The following IHO1 variants were observed in gnomAD, a reference collection of about 807,000 sequenced individuals.
IHO1 encodes the protein interactor of HORMAD1 protein 1.
IHO1 carries 13 observed loss-of-function variants against 31.0 expected under a neutral mutation model. That is an observed-to-expected ratio of 0.42 (90% CI 0.27 to 0.67). The LOEUF (loss-of-function observed/expected upper bound fraction) is 0.67, where lower values mean the gene tolerates loss of function less well. Among genes scored for constraint, IHO1 ranks in the 30% least tolerant of loss-of-function variants. The probability of loss-of-function intolerance (pLI) is 0.24; values close to 1 mark genes in which losing one functional copy is unlikely to be tolerated. For missense variants in IHO1, 599 were observed against 687.5 expected (o/e 0.87, Z 1.44); for synonymous variants, 221 against 248.4 (o/e 0.89, Z 1.04).
chr3:49,229,862 A>G (rs1254283030), intron 2 of IHO1, among the ~76,000 whole-genome samples: 16 of 152,262 alleles, frequency 1.1e-4, no homozygotes, highest in Non-Finnish European at 8.8e-5. Flanking sequence ...ATTTATGGGG[A>G]AGAGATTTAT....
chr3:49,235,107 G>A (rs1176940013), intron 2 of IHO1, among the ~76,000 whole-genome samples: 1 of 152,024 alleles, frequency 6.6e-6, no homozygotes, highest in Non-Finnish European at 1.5e-5. Flanking sequence ...GCCTCCCAAA[G>A]TGCTAGCTAG....
chr3:49,237,786 G>A (rs1480103590), intron 3 of IHO1, among the ~76,000 whole-genome samples: 1 of 149,228 alleles, frequency 6.7e-6, no homozygotes, highest in Non-Finnish European at 1.5e-5. Flanking sequence ...CCTTGAAGAA[G>A]AAGGAGATGA....
chr3:49,220,890 G>A (rs558753767), intron 2 of IHO1, among the ~76,000 whole-genome samples: 19 of 152,194 alleles, frequency 1.2e-4, no homozygotes, highest in African/African-American at 4.1e-4. Context: ...AAAAGGTGGC[G>A]TGGACCCAAA....
In IHO1 at chr3:49,257,202, G is replaced by A; in HGVS notation, c.1705G>A (p.Glu569Lys). 1.2e-6 allele frequency: 2 copies of A among 1,614,230 alleles called. No homozygotes were observed. The highest frequency in any genetic ancestry group is 1.1e-5 in the South Asian group (1 of 91,090). ...CAGTGACCTCAATCTCGGATGTTCA[G>A]AGACCCCTCTATGCAAGGAGGCAGG... is the stretch of plus-strand genomic sequence containing the variant. ...WFSDLNLGCSETPLCKEAGKN... is the reference protein window; with the variant it reads ...WFSDLNLGCSKTPLCKEAGKN... Residue 569 changes from glutamate (E) to lysine (K), a missense_variant, in exon 8 of 8, where the codon GAG becomes AAG. Glu to Lys is a moderately conservative substitution (Grantham distance 56, BLOSUM62 1). Coordinates refer to ENST00000452691, the MANE Select transcript of IHO1 (RefSeq NM_001135197.2).
intron 3 of IHO1, among the ~76,000 whole-genome samples, chr3:49,239,543 G>T (rs1250373682): frequency 6.6e-6 from 1 of 152,030 alleles, no homozygotes; most frequent in Non-Finnish European, 1.5e-5. Flanking sequence ...GCCTCCCAAA[G>T]TTCTGGGATT....
At chr3:49,234,400 G>A (rs577287075) in intron 2 of IHO1, among the ~76,000 whole-genome samples, 1 of 151,008 alleles carries the variant, frequency 6.6e-6, no homozygotes, top group Non-Finnish European at 1.5e-5. Flanking sequence ...GGCTGGTCTC[G>A]AACTCCTGAG....
At position 49,254,578 on chromosome 3, in the gene IHO1, C is replaced by T. The variant is rs779821072; in HGVS notation, c.533-812C>T. On this transcript the variant is annotated intron_variant, in intron 6 of 7. Transcript: ENST00000452691. ...TAAGGTGGTGATTGGTTGCGGGGGG[C>T]GGGGGGAATGACAGGGACAGAAACA... Among the ~76,000 whole-genome samples, 6 of 137,300 alleles carry T rather than the reference C, an allele frequency of 4.4e-5. No homozygotes were observed. The South Asian group carries it at 9.3e-4, about 21-fold the overall frequency. The allele number at this position is 137,300 out of a possible 152,430, so 90.1% of individuals were successfully genotyped here.
rs1307726490 is a variant in IHO1 at position 49,256,387 on chromosome 3, G to C, written c.890G>C (p.Trp297Ser). The C allele has an allele frequency of 6.2e-7, 1 of 1,614,148 alleles. No homozygotes were observed. The highest frequency in any genetic ancestry group is 8.5e-7 in the Non-Finnish European group (1 of 1,180,016). ...EKYTSEKPVL[W>S]QAQALPAAWN... is the part of the protein sequence containing the mutation. ...TACACCTCTGAGAAACCAGTTTTAT[G>C]GCAGGCCCAGGCCCTCCCTGCTGCA... The change falls in exon 8 of 8, where the codon TGG (tryptophan) becomes TCG (serine). Residue 297 changes from tryptophan to serine, a missense_variant. Trp to Ser is a radical substitution (Grantham distance 177, BLOSUM62 -3). Coordinates refer to ENST00000452691, the MANE Select transcript of IHO1 (RefSeq NM_001135197.2). The surrounding 1 kb of genome is among the most constrained non-coding windows in gnomAD (Gnocchi z 4.6).
intron 2 of IHO1, among the ~76,000 whole-genome samples, chr3:49,233,896 G>T (rs2046513138): frequency 6.6e-6 from 1 of 152,142 alleles, no homozygotes; most frequent in Non-Finnish European, 1.5e-5. Flanking sequence ...ACAATAGCAT[G>T]AGCAATCCGT....
intron 2 of IHO1, among the ~76,000 whole-genome samples, chr3:49,217,735 T>G (rs551811543): frequency 6.6e-6 from 1 of 152,128 alleles, no homozygotes; most frequent in South Asian, 2.1e-4. Context: ...GACGGTCCCA[T>G]TTGTGGGTGA....
At chr3:49,208,392 A>T (rs2046167697) in intron 1 of IHO1, among the ~76,000 whole-genome samples, 1 of 152,182 alleles carries the variant, frequency 6.6e-6, no homozygotes, top group South Asian at 2.1e-4. Flanking sequence ...AGTGTGCATG[A>T]ACCTTATTGT....
intron 1 of IHO1, among the ~76,000 whole-genome samples, chr3:49,204,146 C>G (rs2046104363): frequency 6.6e-6 from 1 of 152,200 alleles, no homozygotes; most frequent in African/African-American, 2.4e-5. Context: ...TACCCACTTA[C>G]ATTAATCTAT....
chr3:49,256,767 C>T lies in IHO1; in HGVS notation c.1270C>T (p.His424Tyr). The T allele has an allele frequency of 1.2e-6, 2 of 1,614,182 alleles. No homozygotes were observed. Among genetic ancestry groups the T allele is most frequent in the African/African-American group, 2.7e-5 (2 of 75,042 alleles). Residue 424 changes from histidine to tyrosine, a missense_variant, in exon 8 of 8, where the codon CAT becomes TAT. Coordinates refer to ENST00000452691, the MANE Select transcript of IHO1 (RefSeq NM_001135197.2). This position sits in a 1 kb window ranked among gnomAD's most constrained non-coding sequence, Gnocchi z 4.6. ...TATGTTTTTGTGTGACCCACGTGAA[C>T]ATTTGGTGATTAAACAGAAAGATGG... ...QSMFLCDPRE[H>Y]LVIKQKDGTV... is the part of the protein sequence containing the mutation.
upstream of IHO1, among the ~76,000 whole-genome samples, chr3:49,197,617 G>A (rs1413720397): frequency 6.6e-6 from 1 of 152,122 alleles, no homozygotes; most frequent in African/African-American, 2.4e-5. Context: ...GCTCACACCT[G>A]TAATCCCAGC....
chr3:49,257,905 A>AT lies in IHO1; in HGVS notation c.*628dup, dbSNP rs1277640220. The AT allele has an allele frequency of 6.6e-6, 1 of 152,002 alleles. No homozygotes were observed. The highest frequency in any genetic ancestry group is 1.5e-5 in the Non-Finnish European group (1 of 68,010). 9.4% of individuals were successfully genotyped at this position (152,002 alleles called of 1,614,324 possible). ...CAGAGCATATCACTGCTCACAAGCC[A>AT]TTTTTCTTCCTGGTTGCTTTTTCCC... On this transcript the variant is annotated 3_prime_UTR_variant, in exon 8 of 8. Transcript: ENST00000452691.
chr3:49,198,023 G>A (rs1042686982), upstream of IHO1, among the ~76,000 whole-genome samples: 9 of 152,080 alleles, frequency 5.9e-5, no homozygotes, highest in African/African-American at 2.2e-4. Context: ...AGATTAATTT[G>A]CATTTTCTCG....
chr3:49,211,086 C>A (rs767888758), intron 1 of IHO1, among the ~76,000 whole-genome samples: 1 of 149,848 alleles, frequency 6.7e-6, no homozygotes, highest in Non-Finnish European at 1.5e-5. Flanking sequence ...CGGCTCACTG[C>A]AAGCTCCACC....
chr3:49,226,594 T>C (rs1198434250), intron 2 of IHO1, among the ~76,000 whole-genome samples: 1 of 151,172 alleles, frequency 6.6e-6, no homozygotes, highest in Admixed American at 6.6e-5. Context: ...ATACTGGGGA[T>C]AGCTTGCTGA....
At chr3:49,239,663 A>AT (rs1185572264) in intron 3 of IHO1, among the ~76,000 whole-genome samples, 2,360 of 131,544 alleles carry the variant, frequency 0.018, 34 homozygotes, top group South Asian at 0.1. Flanking sequence ...GGCTCAAGGG[A>AT]TTTTTTTTTT....
Sources: gnomAD v4.1 joint callset for allele counts (sites outside exome capture counted in the v4.1 genomes callset) on GRCh38, gnomAD v4.1.1 for gene constraint, Gnocchi (gnomAD v3.1) non-coding constraint, MANE v1.5 for transcripts, NCBI Gene and HGNC (gene_info 2026-07-23, HGNC 2026-07-21) for gene names.